Variants in KCNIP4 observed in about 807,000 individuals in gnomAD.
KCNIP4 encodes the protein Kv channel-interacting protein 4.
Under a neutral mutation model 34.0 loss-of-function variants are expected in KCNIP4, and 12 were observed. That is an observed-to-expected ratio of 0.35 (90% CI 0.23 to 0.57). The LOEUF is 0.57. KCNIP4 is among the 20% of genes least tolerant of loss of function. KCNIP4 has a pLI of 0.83. For missense variants in KCNIP4, 238 were observed against 311.7 expected (o/e 0.76, Z 1.78); for synonymous variants, 124 against 102.2 (o/e 1.21, Z -1.29).
chr4:21,572,097 T>C (rs912144812), intron 1 of KCNIP4, among the ~76,000 whole-genome samples: 4 of 152,176 alleles, frequency 2.6e-5, no homozygotes, highest in African/African-American at 9.7e-5. Flanking sequence ...ATGCTCTACT[T>C]CACATCCTGA....
At chr4:21,071,062 T>G (rs1193226869) in intron 1 of KCNIP4, among the ~76,000 whole-genome samples, 1 of 152,130 alleles carries the variant, frequency 6.6e-6, no homozygotes, top group Admixed American at 6.5e-5. Context: ...CTGTTGCTTG[T>G]CTTTTCATCT....
intron 1 of KCNIP4, among the ~76,000 whole-genome samples, chr4:21,890,959 T>A (rs1005819638): frequency 2.0e-5 from 3 of 152,112 alleles, no homozygotes; most frequent in Non-Finnish European, 4.4e-5. Context: ...GTAAAAAGCA[T>A]GCAGTTTATA....
chr4:21,317,768 G>T (rs2109291996), intron 1 of KCNIP4, among the ~76,000 whole-genome samples: 1 of 152,246 alleles, frequency 6.6e-6, no homozygotes, highest in Middle Eastern at 3.4e-3. Flanking sequence ...AATCACAGGA[G>T]CAGGTCTTTC....
intron 1 of KCNIP4, among the ~76,000 whole-genome samples, chr4:21,834,311 C>A (rs1267854912): frequency 6.6e-6 from 1 of 152,062 alleles, no homozygotes; most frequent in Admixed American, 6.6e-5. Context: ...CCTTCACATC[C>A]CTTGTAAGTT....
intron 1 of KCNIP4, among the ~76,000 whole-genome samples, chr4:20,914,980 G>A (rs1172173181): frequency 2.0e-5 from 3 of 152,124 alleles, no homozygotes; most frequent in Non-Finnish European, 4.4e-5. Context: ...AGATTTTTTG[G>A]ATGCCTGAAA....
chr4:21,348,999 G>C (rs1282920103), intron 1 of KCNIP4, among the ~76,000 whole-genome samples: 2 of 152,148 alleles, frequency 1.3e-5, no homozygotes, highest in African/African-American at 4.8e-5. Flanking sequence ...CAATTACTTT[G>C]TGGTGGGAAT....
chr4:20,926,355 C>T (rs1270629223), intron 1 of KCNIP4, among the ~76,000 whole-genome samples: 3 of 152,186 alleles, frequency 2.0e-5, no homozygotes, highest in Non-Finnish European at 4.4e-5. Context: ...TATCCCCTCC[C>T]CTTCTCTGGG....
intron 1 of KCNIP4, among the ~76,000 whole-genome samples, chr4:20,945,102 C>T (rs960420092): frequency 6.6e-6 from 1 of 152,160 alleles, no homozygotes; most frequent in Non-Finnish European, 1.5e-5. Flanking sequence ...GTCTCACTCT[C>T]CAGAGTGTGG....
At chr4:21,642,376 A>G (rs1267447291) in intron 1 of KCNIP4, among the ~76,000 whole-genome samples, 3 of 152,048 alleles carry the variant, frequency 2.0e-5, no homozygotes, top group South Asian at 2.1e-4. Flanking sequence ...CTGGTTTGAC[A>G]GAACAGTGGA....
chr4:21,699,556 A>C (rs1296392491), intron 1 of KCNIP4, among the ~76,000 whole-genome samples: 1 of 152,194 alleles, frequency 6.6e-6, no homozygotes, highest in Non-Finnish European at 1.5e-5. Flanking sequence ...TTAAATTACA[A>C]GAAGGAACTG....
At chr4:21,098,312 T>C (rs1747640697) in intron 1 of KCNIP4, among the ~76,000 whole-genome samples, 1 of 152,204 alleles carries the variant, frequency 6.6e-6, no homozygotes, top group Non-Finnish European at 1.5e-5. Context: ...TAATAGATTT[T>C]CAAGGTAGAC....
intron 1 of KCNIP4, among the ~76,000 whole-genome samples, chr4:21,218,279 T>C (rs991814696): frequency 1.3e-5 from 2 of 152,148 alleles, no homozygotes; most frequent in South Asian, 4.1e-4. Flanking sequence ...CCTTCCAAAG[T>C]GCTGGGATTA....
At chr4:21,755,068 T>TTTC (rs1717412724) in intron 1 of KCNIP4, among the ~76,000 whole-genome samples, 4 of 152,210 alleles carry the variant, frequency 2.6e-5, no homozygotes, top group Admixed American at 2.6e-4. Context: ...AATTGCTTGC[T>TTTC]TGAATCCCAG....
intron 5 of KCNIP4, among the ~76,000 whole-genome samples, chr4:20,748,870 G>A (rs28516580): frequency 0.14 from 18,334 of 128,022 alleles, 1,389 homozygotes; most frequent in African/African-American, 0.23. Flanking sequence ...TATGAATTAC[G>A]TGTGTGTGTG....
intron 1 of KCNIP4, among the ~76,000 whole-genome samples, chr4:21,493,420 C>T (rs946002994): frequency 6.6e-6 from 1 of 150,914 alleles, no homozygotes; most frequent in African/African-American, 2.4e-5. Context: ...TCCTGCTCCC[C>T]ATCACAAGAA....
chr4:21,113,454 TTAAAAAAAAA>T (rs1749410061), intron 1 of KCNIP4, among the ~76,000 whole-genome samples: 2,312 of 55,708 alleles, frequency 0.042, 75 homozygotes, highest in African/African-American at 0.16. Flanking sequence ...ATCTATAAGT[TTAAAAAAAAA>T]AAAAAAAAAA....
chr4:21,022,060 G>A (rs570472956), intron 1 of KCNIP4, among the ~76,000 whole-genome samples: 25 of 152,022 alleles, frequency 1.6e-4, no homozygotes, highest in African/African-American at 4.1e-4. Context: ...ATGTTATGGC[G>A]GCTACAATTT....
At chr4:21,192,073 G>A (rs556346379) in intron 1 of KCNIP4, among the ~76,000 whole-genome samples, 25 of 152,248 alleles carry the variant, frequency 1.6e-4, no homozygotes, top group African/African-American at 6.0e-4. Context: ...TAACTTGTTT[G>A]AGACACTTAC....
At chr4:21,847,965 T>G (rs2109331218) in intron 1 of KCNIP4, 1 of 152,236 alleles carries the variant, frequency 6.6e-6, no homozygotes, top group African/African-American at 2.4e-5. Context: ...AACACGCTGG[T>G]TGGAATGTTC....
Sources: allele counts gnomAD v4.1 joint callset (sites outside exome capture counted in the v4.1 genomes callset), GRCh38; gene constraint gnomAD v4.1.1; transcripts MANE v1.5; gene names NCBI Gene and HGNC (gene_info 2026-07-23, HGNC 2026-07-21).